Variants in MAPRE2 observed in about 807,000 individuals in gnomAD.
MAPRE2 encodes microtubule associated protein RP/EB family member 2.
MAPRE2 carries 13 observed loss-of-function variants against 43.2 expected under a neutral mutation model. The observed-to-expected ratio is 0.30, with a 90% CI of 0.20 to 0.48. The LOEUF (loss-of-function observed/expected upper bound fraction) is 0.48. MAPRE2 is among the 20% of genes least tolerant of loss of function. The probability of loss-of-function intolerance (pLI) is 0.99; values close to 1 mark genes in which losing one functional copy is unlikely to be tolerated. For missense variants in MAPRE2, 161 were observed against 400.2 expected (o/e 0.40, Z 5.10); for synonymous variants, 135 against 148.8 (o/e 0.91, Z 0.68).
chr18:35,075,767 G>A (rs915518166), intron 2 of MAPRE2, among the ~76,000 whole-genome samples: 2 of 152,044 alleles, frequency 1.3e-5, no homozygotes, highest in African/African-American at 4.8e-5. Flanking sequence ...AAAAAAAAGA[G>A]TTGGATAATG....
At chr18:34,985,496 TA>T (rs1300024506) in intron 1 of MAPRE2, among the ~76,000 whole-genome samples, 5 of 43,478 alleles carry the variant, frequency 1.2e-4, no homozygotes, top group Admixed American at 4.2e-4. Context: ...TATTGTATAT[TA>T]TATAATATAT....
intron 1 of MAPRE2, among the ~76,000 whole-genome samples, chr18:34,979,385 C>A (rs765367500): frequency 2.6e-5 from 4 of 152,164 alleles, no homozygotes; most frequent in Non-Finnish European, 4.4e-5. Flanking sequence ...GTAATTACAG[C>A]GAGTAGTTTG....
At chr18:34,984,541 C>A (rs1380449359) in intron 1 of MAPRE2, 2 of 151,464 alleles carry the variant, frequency 1.3e-5, no homozygotes, top group East Asian at 3.9e-4. Context: ...TGTATTTAAT[C>A]CCATCCTAAC....
chr18:34,995,062 C>A (rs529346351), intron 1 of MAPRE2, among the ~76,000 whole-genome samples: 2 of 152,264 alleles, frequency 1.3e-5, no homozygotes, highest in East Asian at 3.9e-4. Context: ...TAGGTAAATA[C>A]ATTTTCTGGA....
chr18:35,130,023 C>T (rs1464984601), intron 5 of MAPRE2, among the ~76,000 whole-genome samples: 1 of 152,112 alleles, frequency 6.6e-6, no homozygotes, highest in Admixed American at 6.5e-5. Context: ...ATCACTGAAG[C>T]CTGATTTGCA....
At chr18:35,140,163 G>A (rs1910565383) in intron 6 of MAPRE2, 132 bp from the exon 7 acceptor site, 3 of 712,798 alleles carry the variant, frequency 4.2e-6, no homozygotes, top group South Asian at 3.5e-5. Context: ...TTTGCATGGC[G>A]AGTTGTGCCT....
At chr18:35,021,329 T>C (rs1004346916) in intron 2 of MAPRE2, among the ~76,000 whole-genome samples, 5 of 151,966 alleles carry the variant, frequency 3.3e-5, no homozygotes, top group African/African-American at 1.2e-4. Flanking sequence ...TCAACTGAAA[T>C]AACAAAATTT....
intron 3 of MAPRE2, among the ~76,000 whole-genome samples, chr18:35,100,964 A>T (rs1908649277): frequency 6.6e-6 from 1 of 152,176 alleles, no homozygotes. Flanking sequence ...GCTTGAACCC[A>T]GGAGGCGGAG....
At chr18:35,046,974 C>G (rs1270727453) in intron 1 of MAPRE2, among the ~76,000 whole-genome samples, 1 of 152,144 alleles carries the variant, frequency 6.6e-6, no homozygotes, top group Non-Finnish European at 1.5e-5. Context: ...AACCAGGTTT[C>G]TGGTTCATTA....
chr18:35,132,492 G>A (rs1330259819), intron 6 of MAPRE2, among the ~76,000 whole-genome samples: 1 of 152,232 alleles, frequency 6.6e-6, no homozygotes, highest in African/African-American at 2.4e-5. Context: ...GAGCAAATGA[G>A]CATTAAGAAT....
chr18:35,001,959 G>A (rs1407508600), intron 1 of MAPRE2, among the ~76,000 whole-genome samples: 6 of 152,030 alleles, frequency 3.9e-5, no homozygotes, highest in Admixed American at 6.6e-5. Context: ...AATCTGCCAT[G>A]GTAGCATCTT....
chr18:35,070,972 G>A (rs1907090651), intron 2 of MAPRE2, among the ~76,000 whole-genome samples: 1 of 152,048 alleles, frequency 6.6e-6, no homozygotes, highest in African/African-American at 2.4e-5. Flanking sequence ...CAGGCTCCGT[G>A]GTGTTCCTGA....
At chr18:35,095,835 C>T (rs1908392524) in intron 2 of MAPRE2, among the ~76,000 whole-genome samples, 1 of 152,016 alleles carries the variant, frequency 6.6e-6, no homozygotes, top group African/African-American at 2.4e-5. Context: ...TCTTTCCTCC[C>T]CCAGTGTCTT....
intron 4 of MAPRE2, among the ~76,000 whole-genome samples, chr18:35,116,807 C>T (rs769512179): frequency 2.0e-5 from 3 of 152,120 alleles, no homozygotes; most frequent in Admixed American, 6.5e-5. Context: ...AGTCAGGTCA[C>T]GGGTCTTACA....
At chr18:34,997,434 A>T (rs1213509992) in intron 1 of MAPRE2, among the ~76,000 whole-genome samples, 1 of 152,202 alleles carries the variant, frequency 6.6e-6, no homozygotes, top group Non-Finnish European at 1.5e-5. Context: ...TTGGTACCAC[A>T]TGAGAGCTCT....
At chr18:35,095,268 AAG>A (rs915935766) in intron 2 of MAPRE2, among the ~76,000 whole-genome samples, 4 of 152,036 alleles carry the variant, frequency 2.6e-5, no homozygotes, top group African/African-American at 9.7e-5. Flanking sequence ...GTGACTCAGA[AAG>A]AGAATTATGA....
intron 1 of MAPRE2, among the ~76,000 whole-genome samples, chr18:35,050,521 G>A (rs1314130543): frequency 2.6e-5 from 4 of 152,092 alleles, no homozygotes; most frequent in Non-Finnish European, 4.4e-5. Context: ...TTTGTGATGC[G>A]TCCAGCCTGT....
chr18:35,013,210 G>T (rs1055889064), intron 2 of MAPRE2, among the ~76,000 whole-genome samples: 1 of 152,098 alleles, frequency 6.6e-6, no homozygotes, highest in Non-Finnish European at 1.5e-5. Flanking sequence ...GGAAAGGGCA[G>T]GTTTAGATAA....
intron 1 of MAPRE2, among the ~76,000 whole-genome samples, chr18:34,981,865 T>TTTA (rs1491232830): frequency 3.1e-4 from 10 of 32,118 alleles, no homozygotes; most frequent in Non-Finnish European, 5.3e-4. Context: ...ACTTTATTTA[T>TTTA]TTTTTTTTTT....
Sources: allele counts gnomAD v4.1 joint callset (sites outside exome capture counted in the v4.1 genomes callset), GRCh38; gene constraint gnomAD v4.1.1; transcripts MANE v1.5; gene names NCBI Gene and HGNC (gene_info 2026-07-23, HGNC 2026-07-21).